Variants in DAPK2 observed in about 807,000 individuals in gnomAD.
The protein encoded by DAPK2 is death associated protein kinase 2.
Under a neutral mutation model 44.1 loss-of-function variants are expected in DAPK2, and 35 were observed. That is an observed-to-expected ratio of 0.79 (90% CI 0.61 to 1.05). The LOEUF (loss-of-function observed/expected upper bound fraction) is 1.05, where lower values mean the gene tolerates loss of function less well. Among genes scored for constraint, DAPK2 ranks in the 50% least tolerant of loss-of-function variants. The probability of loss-of-function intolerance (pLI) is 0.00; values close to 1 mark genes in which losing one functional copy is unlikely to be tolerated. For synonymous variants in DAPK2, 174 were observed against 182.6 expected (o/e 0.95, Z 0.38); for missense variants, 453 against 483.2 (o/e 0.94, Z 0.59).
At chr15:64,038,708 A>G (rs1640272078) in intron 1 of DAPK2, among the ~76,000 whole-genome samples, 1 of 152,188 alleles carries the variant, frequency 6.6e-6, no homozygotes, top group Admixed American at 6.5e-5. Flanking sequence ...AAGTAAGACA[A>G]TTAGTCCTGA....
chr15:63,926,027 C>G (rs201647054), exon 7 of DAPK2: 23 of 1,614,054 alleles, frequency 1.4e-5, no homozygotes, highest in Non-Finnish European at 1.5e-5. Flanking sequence ...AGTCGTAACT[C>G]ACTGCTGTGA....
chr15:64,014,806 G>A (rs2079478786), intron 1 of DAPK2, among the ~76,000 whole-genome samples: 1 of 152,090 alleles, frequency 6.6e-6, no homozygotes, highest in African/African-American at 2.4e-5. Context: ...TGTAATCCCA[G>A]CTATTTGGGA....
At chr15:64,030,249 C>T (rs2079973834) in intron 1 of DAPK2, among the ~76,000 whole-genome samples, 1 of 152,152 alleles carries the variant, frequency 6.6e-6, no homozygotes, top group Non-Finnish European at 1.5e-5. Flanking sequence ...GATGACGCCA[C>T]TGCACTCCAG....
chr15:64,040,266 T>G (rs1473222147), exon 1 of DAPK2: 1 of 1,613,606 alleles, frequency 6.2e-7, no homozygotes, highest in Non-Finnish European at 8.5e-7. Flanking sequence ...GAACATACAA[T>G]CCTGAAATGG....
chr15:63,921,426 G>A (rs1340224421), intron 8 of DAPK2: 1 of 152,202 alleles, frequency 6.6e-6, no homozygotes, highest in African/African-American at 2.4e-5. Context: ...GGGATGTTTT[G>A]TGAGGCCATG....
chr15:63,959,403 T>C (rs2077821647), intron 3 of DAPK2, among the ~76,000 whole-genome samples: 1 of 152,148 alleles, frequency 6.6e-6, no homozygotes, highest in African/African-American at 2.4e-5. Context: ...TGAATAGGAG[T>C]GGTGAGAGAG....
intron 3 of DAPK2, among the ~76,000 whole-genome samples, chr15:63,946,075 C>T (rs2077442200): frequency 6.6e-6 from 1 of 152,264 alleles, no homozygotes; most frequent in African/African-American, 2.4e-5. Context: ...GTCACATTCC[C>T]ACAGGTGCCG....
chr15:64,041,120 G>A (rs554707901), upstream of DAPK2, among the ~76,000 whole-genome samples: 294 of 152,274 alleles, frequency 1.9e-3, no homozygotes, highest in Non-Finnish European at 3.5e-3. Context: ...GCTCCCTCAG[G>A]TGTTGTACCA....
At chr15:63,976,124 A>T (rs2078339835) in intron 2 of DAPK2, among the ~76,000 whole-genome samples, 1 of 152,198 alleles carries the variant, frequency 6.6e-6, no homozygotes, top group Non-Finnish European at 1.5e-5. Flanking sequence ...ATATGCTGTG[A>T]CTTACAAAAT....
chr15:63,986,373 G>A (rs960210869), intron 1 of DAPK2, among the ~76,000 whole-genome samples: 5 of 152,252 alleles, frequency 3.3e-5, no homozygotes, highest in Admixed American at 1.3e-4. Context: ...GACATCCAGA[G>A]ACATAAGTCA....
At chr15:64,012,338 A>G (rs1017407942) in intron 1 of DAPK2, among the ~76,000 whole-genome samples, 4 of 152,234 alleles carry the variant, frequency 2.6e-5, no homozygotes, top group Non-Finnish European at 5.9e-5. Flanking sequence ...TGCACTAACA[A>G]TTCCATTTTC....
At chr15:64,012,739 G>A (rs2079420307) in intron 1 of DAPK2, among the ~76,000 whole-genome samples, 1 of 152,158 alleles carries the variant, frequency 6.6e-6, no homozygotes, top group Admixed American at 6.5e-5. Flanking sequence ...TTTCTGGAAG[G>A]ATATACAAGA....
At chr15:64,033,271 G>C (rs866103591) in intron 1 of DAPK2, among the ~76,000 whole-genome samples, 1 of 59,918 alleles carries the variant, frequency 1.7e-5, no homozygotes, top group African/African-American at 6.8e-5. Flanking sequence ...GGGAGGGGGA[G>C]GGGGAAGGGG....
At chr15:64,033,437 A>C (rs2080087568) in intron 1 of DAPK2, among the ~76,000 whole-genome samples, 1 of 152,060 alleles carries the variant, frequency 6.6e-6, no homozygotes. Flanking sequence ...TAAATTTATT[A>C]ATTTAAAAAA....
At chr15:63,942,375 A>T (rs1204731593) in intron 3 of DAPK2, 2 of 239,728 alleles carry the variant, frequency 8.3e-6, no homozygotes, top group Non-Finnish European at 1.3e-5. Context: ...AACATGGTGA[A>T]ACCCCATCTC....
chr15:63,982,187 CTTTTTTTTT>C (rs5813271), intron 2 of DAPK2, among the ~76,000 whole-genome samples: 5 of 107,874 alleles, frequency 4.6e-5, no homozygotes, highest in Non-Finnish European at 8.8e-5. Flanking sequence ...TCAGAATATT[CTTTTTTTTT>C]TTTTTTTTTT....
Position 63,923,291 on chromosome 15 carries a change from A to G in DAPK2, c.858+1525T>C. 1 of 1,535,922 alleles carries G rather than the reference A, an allele frequency of 6.5e-7. No individual in the cohort carries two copies. The highest frequency in any genetic ancestry group is 2.4e-5 in the East Asian group (1 of 40,914). ...GTACTCTCTCAGGTGCTTGGTCTTC[A>G]GCTGGGTGGGCTCTGTCTTCCGCTG... On this transcript the variant is annotated intron_variant, in intron 8 of 10. Transcript: ENST00000261891. This position sits in a 1 kb window ranked among gnomAD's most constrained non-coding sequence, Gnocchi z 4.2.
chr15:64,032,151 C>T (rs541005696), intron 1 of DAPK2, among the ~76,000 whole-genome samples: 4 of 152,124 alleles, frequency 2.6e-5, no homozygotes, highest in Non-Finnish European at 5.9e-5. Flanking sequence ...AGCCTGGAAA[C>T]CTTCAGTCCA....
chr15:63,982,395 T>C (rs2414841), intron 2 of DAPK2, among the ~76,000 whole-genome samples: 3,812 of 152,160 alleles, frequency 0.025, 163 homozygotes, highest in African/African-American at 0.087. Flanking sequence ...TTCACCATGT[T>C]AGCCAGGCTG....
Sources: gnomAD v4.1 joint callset for allele counts (sites outside exome capture counted in the v4.1 genomes callset) on GRCh38, gnomAD v4.1.1 for gene constraint, Gnocchi (gnomAD v3.1) non-coding constraint, MANE v1.5 for transcripts, NCBI Gene and HGNC (gene_info 2026-07-23, HGNC 2026-07-21) for gene names.